The following NCAM1 variants were observed in gnomAD, a reference collection of about 807,000 sequenced individuals.
The protein encoded by NCAM1 is neural cell adhesion molecule 1.
Under a neutral mutation model 109.8 loss-of-function variants are expected in NCAM1, and 14 were observed. The ratio of observed to expected loss-of-function variants is 0.13; its 90% CI spans 0.08 to 0.20. NCAM1 has a LOEUF of 0.20. NCAM1 is among the 10% of genes least tolerant of loss of function. The probability of loss-of-function intolerance (pLI) is 1.00; values close to 1 mark genes in which losing one functional copy is unlikely to be tolerated. For synonymous variants in NCAM1, 418 were observed against 442.9 expected (o/e 0.94, Z 0.70); for missense variants, 774 against 1,109.9 (o/e 0.70, Z 4.30).
At chr11:113,179,164 C>G (rs1943256969) in intron 1 of NCAM1, among the ~76,000 whole-genome samples, 1 of 152,174 alleles carries the variant, frequency 6.6e-6, no homozygotes, top group African/African-American at 2.4e-5. Context: ...TAAATATTCA[C>G]CAGCATGCCA....
At chr11:113,152,706 TCTAGGTG>T (rs1942267208) in intron 1 of NCAM1, among the ~76,000 whole-genome samples, 1 of 152,260 alleles carries the variant, frequency 6.6e-6, no homozygotes, top group Admixed American at 6.5e-5. Context: ...TGTCCATTGT[TCTAGGTG>T]CTGAATATAA....
At chr11:112,998,054 C>T (rs139226417) in intron 1 of NCAM1, among the ~76,000 whole-genome samples, 276 of 152,254 alleles carry the variant, frequency 1.8e-3, no homozygotes, top group South Asian at 8.3e-3. Flanking sequence ...AGATTTCATC[C>T]TCAGGTCCTG....
chr11:113,242,787 T>A, intron 14 of NCAM1: 2 of 1,610,844 alleles, frequency 1.2e-6, no homozygotes, highest in Non-Finnish European at 8.5e-7. Context: ...GCCTTTTCTG[T>A]CTGTCGTGTT....
At chr11:113,271,138 G>A (rs1946260025) in intron 18 of NCAM1, among the ~76,000 whole-genome samples, 1 of 152,144 alleles carries the variant, frequency 6.6e-6, no homozygotes, top group South Asian at 2.1e-4. Context: ...GGGAGGCCGA[G>A]ATGGATGGAT....
chr11:113,141,189 G>A (rs972803946), intron 1 of NCAM1, among the ~76,000 whole-genome samples: 4 of 152,126 alleles, frequency 2.6e-5, no homozygotes, highest in East Asian at 3.8e-4. Context: ...GTGATAATAC[G>A]GGGAAGAGAA....
At chr11:113,263,420 C>T in intron 17 of NCAM1, 1 of 988,608 alleles carries the variant, frequency 1.0e-6, no homozygotes, top group Non-Finnish European at 1.2e-6. Flanking sequence ...TTTAAGTGCC[C>T]ATGTTAAAAG....
At chr11:113,146,508 C>T (rs771838627) in intron 1 of NCAM1, among the ~76,000 whole-genome samples, 5 of 152,166 alleles carry the variant, frequency 3.3e-5, no homozygotes, top group African/African-American at 7.2e-5. Context: ...ATACAGATCA[C>T]ATAATGAAGT....
chr11:112,963,690 C>G lies in NCAM1; in HGVS notation c.52+2026C>G, dbSNP rs991274572. Among the ~76,000 whole-genome samples the G allele has an allele frequency of 4.6e-5, 7 of 152,318 alleles. No homozygotes were observed. In the East Asian group the frequency reaches 1.4e-3, roughly 29 times the overall value. On this transcript the variant is annotated intron_variant, in intron 1 of 19. Transcript: ENST00000316851. The surrounding 1 kb of genome is among the most constrained non-coding windows in gnomAD (Gnocchi z 4.6). ...GGGTGTTTTTGAGACATCCTCGCCC[C>G]CGGGTGGGAGCGTGACAATGGAGCC... is the stretch of plus-strand genomic sequence containing the variant.
At chr11:113,093,262 C>T (rs1939438211) in intron 1 of NCAM1, among the ~76,000 whole-genome samples, 1 of 152,296 alleles carries the variant, frequency 6.6e-6, no homozygotes, top group South Asian at 2.1e-4. Flanking sequence ...TGGAGCAGGA[C>T]ATTTGATGGA....
Position 112,961,429 on chromosome 11 carries a change from CCGATCAG to C in NCAM1, c.-181_-175del, listed in dbSNP as rs1950549345. The C allele has an allele frequency of 1.3e-6, 1 of 762,042 alleles. No individual in the cohort carries two copies. Among genetic ancestry groups the C allele is most frequent in the African/African-American group, 1.7e-5 (1 of 58,816 alleles). The allele number at this position is 762,042 out of a possible 1,614,324, so 47.2% of individuals were successfully genotyped here. ...TGAGGCTGGGACTGTCACTCATTCT[CCGATCAG>C]CGCGTGAACGCAGCTCGGCTGCCGC... On this transcript the variant is annotated 5_prime_UTR_variant, in exon 1 of 20. Coordinates refer to ENST00000316851, the MANE Select transcript of NCAM1 (RefSeq NM_181351.5).
At chr11:113,173,981 A>G (rs969694373) in intron 1 of NCAM1, among the ~76,000 whole-genome samples, 1 of 152,116 alleles carries the variant, frequency 6.6e-6, no homozygotes, top group South Asian at 2.1e-4. Flanking sequence ...TGTTAAAAAA[A>G]AAAATCTCCA....
chr11:113,247,895 A>T (rs1298628619), intron 15 of NCAM1, among the ~76,000 whole-genome samples: 1 of 152,222 alleles, frequency 6.6e-6, no homozygotes, highest in East Asian at 1.9e-4. Flanking sequence ...GATATTTTTC[A>T]GACTTAAGAT....
intron 1 of NCAM1, among the ~76,000 whole-genome samples, chr11:113,096,848 C>G (rs1939617834): frequency 6.6e-6 from 1 of 151,954 alleles, no homozygotes; most frequent in Non-Finnish European, 1.5e-5. Flanking sequence ...CCCAGATACA[C>G]CCTCATGCTT....
intron 1 of NCAM1, among the ~76,000 whole-genome samples, chr11:113,030,835 A>G (rs1411071100): frequency 2.0e-5 from 3 of 152,180 alleles, no homozygotes; most frequent in Non-Finnish European, 4.4e-5. Context: ...TCATTGACTC[A>G]CTTATGCAGC....
At chr11:113,163,577 C>T (rs1158519776) in intron 1 of NCAM1, among the ~76,000 whole-genome samples, 1 of 152,182 alleles carries the variant, frequency 6.6e-6, no homozygotes, top group Non-Finnish European at 1.5e-5. Context: ...AATGGTAATA[C>T]TCTGAAAGGA....
intron 1 of NCAM1, among the ~76,000 whole-genome samples, chr11:113,001,693 G>T (rs577287640): frequency 6.6e-6 from 1 of 152,284 alleles, no homozygotes; most frequent in South Asian, 2.1e-4. Flanking sequence ...CCGAAGGCTG[G>T]TGTGGTGCCT....
At chr11:113,135,798 A>G (rs919021630) in intron 1 of NCAM1, among the ~76,000 whole-genome samples, 1 of 152,288 alleles carries the variant, frequency 6.6e-6, no homozygotes, top group African/African-American at 2.4e-5. Context: ...AGGGCCAGCT[A>G]TTTCTTGAAG....
rs1555117164 is a variant in NCAM1 at position 113,231,361 on chromosome 11, G to A, written c.1090-284G>A. The A allele has an allele frequency of 2.1e-6, 3 of 1,437,022 alleles. No individual in the cohort carries two copies. In the East Asian group the frequency reaches 7.4e-5, roughly 36 times the overall value. The allele number at this position is 1,437,022 out of a possible 1,614,324, so 89.0% of individuals were successfully genotyped here. A position where few individuals can be genotyped will look rare whatever the true frequency, so the allele number is the denominator to read the frequency against. On this transcript the variant is annotated intron_variant, in intron 9 of 19. Transcript: ENST00000316851. ...CATCCCAAACAAAGTCATCTTGGGGGACCTAGCCCCAAACCAATCTTGGTA... is the reference window on the plus strand; with the variant it reads ...CATCCCAAACAAAGTCATCTTGGGGAACCTAGCCCCAAACCAATCTTGGTA...
intron 1 of NCAM1, among the ~76,000 whole-genome samples, chr11:113,050,579 T>C (rs1953443017): frequency 2.0e-5 from 3 of 152,274 alleles, no homozygotes; most frequent in East Asian, 1.9e-4. Context: ...TTGGTTACTA[T>C]AGCCTTGTAG....
Sources: allele counts gnomAD v4.1 joint callset (sites outside exome capture counted in the v4.1 genomes callset), GRCh38; gene constraint gnomAD v4.1.1; non-coding constraint Gnocchi (gnomAD v3.1); transcripts MANE v1.5; gene names NCBI Gene and HGNC (gene_info 2026-07-23, HGNC 2026-07-21).